Variants in GRIK5 observed in about 807,000 individuals in gnomAD.
GRIK5 encodes the protein glutamate ionotropic receptor kainate type subunit 5, also known as glutamate receptor ionotropic, kainate 5.
GRIK5 carries 43 observed loss-of-function variants against 97.4 expected under a neutral mutation model. That is an observed-to-expected ratio of 0.44 (90% CI 0.35 to 0.57). GRIK5 has a LOEUF of 0.57. Ranked by LOEUF, GRIK5 falls within the 20% of genes least tolerant of loss-of-function variation. The pLI, the probability that GRIK5 is intolerant of heterozygous loss-of-function variation, is 0.01. For synonymous variants in GRIK5, 580 were observed against 583.5 expected (o/e 0.99, Z 0.09); for missense variants, 1,015 against 1,382.0 (o/e 0.73, Z 4.21).
Position 42,024,065 on chromosome 19 carries a change from C to T in GRIK5, c.1474-1711G>A, listed in dbSNP as rs1027015632. Among the ~76,000 whole-genome samples, 7 of 152,270 alleles carry T rather than the reference C, an allele frequency of 4.6e-5. No homozygotes were observed. The South Asian group carries it at 6.2e-4, about 14-fold the overall frequency. ...TTCCTCAATGCAGCAGGCTCATGCC[C>T]GCCTCAGAGCCTTTGCACATGCTCT... On this transcript the variant is annotated intron_variant, in intron 12 of 19. Coordinates refer to ENST00000593562, the MANE Select transcript of GRIK5 (RefSeq NM_002088.5).
In GRIK5 at chr19:41,999,345, C is replaced by T; in HGVS notation, c.2515-46G>A. On this transcript the variant is annotated intron_variant, in intron 19 of 19. Transcript: ENST00000593562. This position sits in a 1 kb window ranked among gnomAD's most constrained non-coding sequence, Gnocchi z 5.0. ...CACCGTCCCGGCGCAGTCCGCCTCC[C>T]GCCTCCCCCAGCCCCTCTCCACATC... 6 of 1,420,454 alleles carry T rather than the reference C, an allele frequency of 4.2e-6. No homozygotes were observed. Among genetic ancestry groups the T allele is most frequent in the Non-Finnish European group, 5.6e-6 (6 of 1,070,066 alleles). 88.0% of individuals were successfully genotyped at this position (1,420,454 alleles called of 1,614,324 possible).
At chr19:42,030,445 C>G (rs1180130010) in intron 12 of GRIK5, among the ~76,000 whole-genome samples, 2 of 151,948 alleles carry the variant, frequency 1.3e-5, no homozygotes, top group Non-Finnish European at 2.9e-5. Context: ...GCGCGAGCCA[C>G]CGTGCCCAGC....
At chr19:42,017,147 G>A (rs930547120) in intron 15 of GRIK5, among the ~76,000 whole-genome samples, 3 of 152,150 alleles carry the variant, frequency 2.0e-5, no homozygotes, top group Middle Eastern at 3.2e-3. Context: ...AAATCATCAC[G>A]TTCACAGTGA....
intron 1 of GRIK5, among the ~76,000 whole-genome samples, chr19:42,066,073 G>C (rs913324507): frequency 6.6e-6 from 1 of 152,186 alleles, no homozygotes; most frequent in Non-Finnish European, 1.5e-5. Context: ...GGCTGCAAGA[G>C]AGAGGATGGG....
At chr19:42,015,323 C>T (rs1027450882) in intron 15 of GRIK5, among the ~76,000 whole-genome samples, 1 of 152,158 alleles carries the variant, frequency 6.6e-6, no homozygotes, top group African/African-American at 2.4e-5. Context: ...CCTTATAGAA[C>T]ACTGCACCAC....
intron 11 of GRIK5, among the ~76,000 whole-genome samples, chr19:42,047,580 T>C (rs1205028158): frequency 6.6e-6 from 1 of 152,024 alleles, no homozygotes; most frequent in Non-Finnish European, 1.5e-5. Context: ...CACATATAAA[T>C]GGATATTGAT....
intron 12 of GRIK5, among the ~76,000 whole-genome samples, chr19:42,036,042 G>A (rs984404679): frequency 1.3e-5 from 2 of 151,872 alleles, no homozygotes; most frequent in African/African-American, 4.8e-5. Flanking sequence ...TTAATGAAAT[G>A]GACTTTATTT....
intron 15 of GRIK5, among the ~76,000 whole-genome samples, chr19:42,016,700 G>A (rs1464310670): frequency 6.6e-6 from 1 of 152,188 alleles, no homozygotes; most frequent in African/African-American, 2.4e-5. Context: ...AGATGACTTC[G>A]GAAGTGTTAG....
intron 12 of GRIK5, among the ~76,000 whole-genome samples, chr19:42,036,988 G>T (rs977210504): frequency 6.6e-6 from 1 of 152,204 alleles, no homozygotes; most frequent in Non-Finnish European, 1.5e-5. Context: ...CTGCCTGCAG[G>T]TCACAAAGCC....
At chr19:42,052,227 G>A (rs562417179) in intron 11 of GRIK5, among the ~76,000 whole-genome samples, 124 of 152,258 alleles carry the variant, frequency 8.1e-4, no homozygotes, top group African/African-American at 2.9e-3. Flanking sequence ...GACACTTGAA[G>A]CTCCCAGGGT....
chr19:42,005,609 C>T, intron 17 of GRIK5, 114 bp downstream of exon 17: 1 of 699,586 alleles, frequency 1.4e-6, no homozygotes. Flanking sequence ...GCCAGGAGGC[C>T]ACATGCAACA....
At chr19:42,037,404 A>T (rs938489493) in intron 12 of GRIK5, among the ~76,000 whole-genome samples, 3 of 152,230 alleles carry the variant, frequency 2.0e-5, no homozygotes, top group Admixed American at 2.0e-4. Context: ...GGTTGCAGTG[A>T]GCCGAGATCA....
In GRIK5 at chr19:42,065,280, C is replaced by G. The variant is rs1225513373; in HGVS notation, c.187G>C (p.Val63Leu). The change falls in exon 3 of 20, where the codon GTG (valine) becomes CTG (leucine). Residue 63 changes from valine to leucine, a missense_variant. Physicochemically the swap from Val to Leu is conservative, Grantham distance 32. Transcript: ENST00000593562. This position sits in a 1 kb window ranked among gnomAD's most constrained non-coding sequence, Gnocchi z 5.8. ...GIIEVPAKAR[V>L]EVDIFELQRD... ...TGCAGCTCAAAGATGTCTACTTCCA[C>G]TCGGGCCTTGGCTGGGACCTCGATG... 6.2e-7 allele frequency: 1 copy of G among 1,613,230 alleles called. No individual in the cohort carries two copies. The highest frequency in any genetic ancestry group is 1.3e-5 in the African/African-American group (1 of 74,958).
chr19:42,032,503 C>T (rs1568904374), intron 12 of GRIK5, among the ~76,000 whole-genome samples: 1 of 152,192 alleles, frequency 6.6e-6, no homozygotes, highest in Admixed American at 6.5e-5. Flanking sequence ...AACACTCCCA[C>T]AAATCCACAG....
chr19:42,050,688 T>G (rs1303800670), intron 11 of GRIK5, among the ~76,000 whole-genome samples: 1 of 149,696 alleles, frequency 6.7e-6, no homozygotes, highest in African/African-American at 2.5e-5. Context: ...TAAAAAATAA[T>G]AGAGGCAACG....
At chr19:42,018,608 G>A (rs1418845480) in intron 15 of GRIK5, among the ~76,000 whole-genome samples, 2 of 137,612 alleles carry the variant, frequency 1.5e-5, no homozygotes, top group South Asian at 2.3e-4. Context: ...GCAGTGAGCT[G>A]AGATCGTGCC....
Position 41,999,275 on chromosome 19 carries a change from G to A in GRIK5, c.2539C>T (p.Gln847Ter). 6.6e-7 allele frequency: 1 copy of A among 1,525,732 alleles called. No individual in the cohort carries two copies. The highest frequency in any genetic ancestry group is 2.0e-5 in the Admixed American group (1 of 50,322). 94.5% of individuals were successfully genotyped at this position (1,525,732 alleles called of 1,614,324 possible). A position where few individuals can be genotyped will look rare whatever the true frequency, so the allele number is the denominator to read the frequency against. ...CAAGAAACGGCGTGGCGCAGCTCCT[G>A]CAGCATCTCCTGGCACACCGACACC... Reference protein sequence around the residue: ...EEVSVCQEMLQELRHAVSCRK... With the variant: ...EEVSVCQEML Residue 847 changes from glutamine to a stop codon, truncating the protein, a stop_gained, in exon 20 of 20, where the codon CAG becomes TAG. Coordinates refer to ENST00000593562, the MANE Select transcript of GRIK5 (RefSeq NM_002088.5). LOFTEE classifies it low-confidence loss of function (END_TRUNC). The surrounding 1 kb of genome is among the most constrained non-coding windows in gnomAD (Gnocchi z 5.0).
In GRIK5 at chr19:42,003,962, C is replaced by A. The variant is rs1383293412; in HGVS notation, c.2264-279G>T. Among the ~76,000 whole-genome samples the A allele has an allele frequency of 6.6e-6, 1 of 152,184 alleles. No homozygotes were observed. The highest frequency in any genetic ancestry group is 2.4e-5 in the African/African-American group (1 of 41,436). On this transcript the variant is annotated intron_variant, in intron 17 of 19. Coordinates refer to ENST00000593562, the MANE Select transcript of GRIK5 (RefSeq NM_002088.5). This position sits in a 1 kb window ranked among gnomAD's most constrained non-coding sequence, Gnocchi z 4.2. ...CCTCGGCCACTCTCAGACACCCTCA[C>A]CCCCACGGCTCTCAGCTCCAGCCTC... is the stretch of plus-strand genomic sequence containing the variant.
chr19:42,003,288 TG>T lies in GRIK5; in HGVS notation c.2514+43del. The T allele has an allele frequency of 1.9e-6, 3 of 1,587,004 alleles. No individual in the cohort carries two copies. Among genetic ancestry groups the T allele is most frequent in the Non-Finnish European group, 2.6e-6 (3 of 1,161,606 alleles). The stretch of plus-strand genomic sequence containing the variant: ...CACAATCTTCACGCACCTCAGCCCC[TG>T]GGGGTCCCTGTTCCTGCCCACCCCC... On this transcript the variant is annotated intron_variant, in intron 19 of 19. Coordinates refer to ENST00000593562, the MANE Select transcript of GRIK5 (RefSeq NM_002088.5). This position sits in a 1 kb window ranked among gnomAD's most constrained non-coding sequence, Gnocchi z 4.2.
Sources: gnomAD v4.1 joint callset for allele counts (sites outside exome capture counted in the v4.1 genomes callset) on GRCh38, gnomAD v4.1.1 for gene constraint, Gnocchi (gnomAD v3.1) non-coding constraint, MANE v1.5 for transcripts, NCBI Gene and HGNC (gene_info 2026-07-23, HGNC 2026-07-21) for gene names.